Variants in COLEC10 observed in about 807,000 individuals in gnomAD.
COLEC10 encodes the protein collectin subfamily member 10, also known as collectin-10.
A neutral mutation model predicts 28.4 loss-of-function variants in COLEC10; 22 were observed. The observed-to-expected ratio is 0.78, with a 90% CI of 0.55 to 1.11. The LOEUF is 1.11. COLEC10 is among the 50% of genes least tolerant of loss of function. COLEC10 has a pLI of 0.00. For missense variants in COLEC10, 361 were observed against 344.1 expected (o/e 1.05, Z -0.39); for synonymous variants, 125 against 116.1 (o/e 1.08, Z -0.49).
At chr8:118,989,534 T>TACACACACACACACACAC in the COLEC10 span, among the ~76,000 whole-genome samples, 33 of 128,724 alleles carry the variant, frequency 2.6e-4, no homozygotes, top group African/African-American at 8.8e-4. Context: ...ACAGACAAAA[T>TACACACACACACACACAC]ACACACACAC....
At chr8:119,065,292 C>A (rs1248033178), upstream of COLEC10, among the ~76,000 whole-genome samples, 1 of 152,092 alleles carries the variant, frequency 6.6e-6, no homozygotes, top group East Asian at 1.9e-4. Context: ...TGCCTTAGTT[C>A]CCACCTCCTG....
In COLEC10 at chr8:119,059,497, C is replaced by T. The variant is rs531643180; in HGVS notation, n.236-30183C>T. On this transcript the variant is annotated intron_variant and non_coding_transcript_variant, in intron 2 of 6. Transcript: ENST00000521788. ...TTAGTTGTCTTGGTACCTCTGTTAA[C>T]AATCAATGAACCATTAATGTGAGAA... is the stretch of plus-strand genomic sequence containing the variant. Among the ~76,000 whole-genome samples the T allele has an allele frequency of 1.5e-4, 23 of 152,138 alleles. No individual in the cohort carries two copies. The South Asian group carries it at 4.6e-3, about 30-fold the overall frequency.
intron 3 of COLEC10, among the ~76,000 whole-genome samples, chr8:119,098,569 C>T (rs988060640): frequency 6.6e-6 from 1 of 152,002 alleles, no homozygotes; most frequent in African/African-American, 2.4e-5. Flanking sequence ...ATAAAATAAG[C>T]TCTGTTGGGA....
intron 2 of COLEC10, among the ~76,000 whole-genome samples, chr8:119,013,758 T>C (rs1356776473): frequency 2.7e-5 from 4 of 150,754 alleles, no homozygotes; most frequent in Admixed American, 2.6e-4. Flanking sequence ...TGCTTTAAAG[T>C]CTTGTTTGTC....
At chr8:119,047,057 C>T (rs1170072780) in intron 2 of COLEC10, among the ~76,000 whole-genome samples, 1 of 152,164 alleles carries the variant, frequency 6.6e-6, no homozygotes, top group Non-Finnish European at 1.5e-5. Context: ...GCTGACAACT[C>T]TCTTAAGTAA....
chr8:119,107,798 G>C lies in COLEC10; in HGVS notation c.*1607G>C, dbSNP rs1186485212. Among the ~76,000 whole-genome samples the C allele has an allele frequency of 2.0e-5, 3 of 152,136 alleles. No homozygotes were observed. The highest frequency in any genetic ancestry group is 4.4e-5 in the Non-Finnish European group (3 of 68,022). ...TAGGGAGGACCCAATCTTGCTAAAT[G>C]TGCTGATATTTCAAGAGAAGTCAGA... On this transcript the variant is annotated 3_prime_UTR_variant, in exon 6 of 6. Coordinates refer to ENST00000332843, the MANE Select transcript of COLEC10 (RefSeq NM_006438.5).
At position 119,070,476 on chromosome 8, in the gene COLEC10, TCCTTCCCCCTCCTTCCCTCC is replaced by T. The variant is rs1563734120; in HGVS notation, c.148+3049_148+3068del. ...CTCTCTCTCTCTCTCTCTCTCTCTC[TCCTTCCCCCTCCTTCCCTCC>T]CTCTCTCTCTCTCCCCCCTCCTTCC... On this transcript the variant is annotated intron_variant, in intron 1 of 5. Transcript: ENST00000332843. Among the ~76,000 whole-genome samples the T allele has an allele frequency of 4.9e-3, 486 of 98,994 alleles. 1 individual carries two copies. Among genetic ancestry groups the T allele is most frequent in the African/African-American group, 0.012 (284 of 23,040 alleles). 64.9% of individuals were successfully genotyped at this position (98,994 alleles called of 152,430 possible).
intron 2 of COLEC10, among the ~76,000 whole-genome samples, chr8:119,042,365 T>C (rs1300438097): frequency 6.6e-6 from 1 of 151,910 alleles, no homozygotes; most frequent in Non-Finnish European, 1.5e-5. Flanking sequence ...TAATGTATTA[T>C]GTTTTAATTT....
At chr8:118,975,876 T>C in the COLEC10 span, among the ~76,000 whole-genome samples, 395 of 152,196 alleles carry the variant, frequency 2.6e-3, 2 homozygotes, top group African/African-American at 9.1e-3. Context: ...TTTCTTACCG[T>C]GACCTTGAGC....
chr8:118,977,798 A>G, the COLEC10 span, among the ~76,000 whole-genome samples: 1 of 151,642 alleles, frequency 6.6e-6, no homozygotes. Context: ...ATATATATAT[A>G]TACAAATTAC....
rs577675469 is a variant in COLEC10 at position 119,073,597 on chromosome 8, T to A, written c.148+6168T>A. 3.9e-5 allele frequency among the ~76,000 whole-genome samples: 6 copies of A among 152,256 alleles called. No homozygotes were observed. The South Asian group carries it at 1.2e-3, about 32-fold the overall frequency. ...CTTTTATATTTCAGTGTATCGATAC[T>A]TAGAACAATTTTTCATCTCTCTTTT... On this transcript the variant is annotated intron_variant, in intron 1 of 5. Coordinates refer to ENST00000332843, the MANE Select transcript of COLEC10 (RefSeq NM_006438.5).
At chr8:118,973,318 C>A in the COLEC10 span, among the ~76,000 whole-genome samples, 1 of 151,968 alleles carries the variant, frequency 6.6e-6, no homozygotes, top group Non-Finnish European at 1.5e-5. Context: ...CACAGCTTCT[C>A]TCAGGGTCTT....
chr8:119,072,714 T>C (rs1815149016), intron 1 of COLEC10, among the ~76,000 whole-genome samples: 1 of 152,060 alleles, frequency 6.6e-6, no homozygotes, highest in Admixed American at 6.5e-5. Flanking sequence ...CCTTGGTCCC[T>C]GTGGAACTCC....
chr8:119,092,877 G>T (rs1249760694), intron 3 of COLEC10, among the ~76,000 whole-genome samples: 1 of 152,014 alleles, frequency 6.6e-6, no homozygotes, highest in Non-Finnish European at 1.5e-5. Context: ...CTGCACTCCA[G>T]CTTGGGAGAT....
chr8:119,053,827 G>A (rs1183836324), intron 2 of COLEC10, among the ~76,000 whole-genome samples: 1 of 151,816 alleles, frequency 6.6e-6, no homozygotes, highest in African/African-American at 2.4e-5. Flanking sequence ...CTTTATCCAC[G>A]GGGGATACAT....
intron 3 of COLEC10, among the ~76,000 whole-genome samples, chr8:119,101,480 T>A (rs1815824796): frequency 6.6e-6 from 1 of 152,182 alleles, no homozygotes; most frequent in Non-Finnish European, 1.5e-5. Flanking sequence ...TTATTCTTTC[T>A]CTCTGCTTTA....
the COLEC10 span, among the ~76,000 whole-genome samples, chr8:118,986,750 C>T: frequency 6.6e-6 from 1 of 152,090 alleles, no homozygotes; most frequent in African/African-American, 2.4e-5. Flanking sequence ...TGTGGATAAA[C>T]CTTCCAAGCC....
chr8:118,957,976 T>C, the COLEC10 span, among the ~76,000 whole-genome samples: 1 of 152,142 alleles, frequency 6.6e-6, no homozygotes, highest in Non-Finnish European at 1.5e-5. Flanking sequence ...ACCTGAAGAA[T>C]GTATACATAA....
At chr8:118,996,533 A>T (rs1042020419) in intron 1 of COLEC10, among the ~76,000 whole-genome samples, 6 of 152,098 alleles carry the variant, frequency 3.9e-5, no homozygotes, top group African/African-American at 4.8e-5. Context: ...GTCTTTTTTT[A>T]AAAAATAAGA....
Sources: allele counts gnomAD v4.1 joint callset (sites outside exome capture counted in the v4.1 genomes callset), GRCh38; gene constraint gnomAD v4.1.1; transcripts MANE v1.5; gene names NCBI Gene and HGNC (gene_info 2026-07-23, HGNC 2026-07-21).